Variants in ARHGEF17 observed in about 807,000 individuals in gnomAD.
The protein encoded by ARHGEF17 is Rho guanine nucleotide exchange factor 17.
In ARHGEF17, 80 loss-of-function variants were observed where a neutral mutation model predicts 174.0. That is an observed-to-expected ratio of 0.46 (90% CI 0.38 to 0.55). ARHGEF17 has a LOEUF of 0.55. Ranked by LOEUF, ARHGEF17 falls within the 20% of genes least tolerant of loss-of-function variation. The pLI is 0.00. For synonymous variants in ARHGEF17, 1,311 were observed against 1,189.1 expected (o/e 1.10, Z -2.11); for missense variants, 2,886 against 2,839.7 (o/e 1.02, Z -0.37).
Position 73,365,629 on chromosome 11 carries a change from G to A in ARHGEF17, c.5726-49G>A. 6.2e-7 allele frequency: 1 copy of A among 1,607,728 alleles called. No homozygotes were observed. Among genetic ancestry groups the A allele is most frequent in the South Asian group, 1.1e-5 (1 of 90,994 alleles). Reference sequence around the variant, plus strand: ...TTTCTGCCCGATCGTAGAGGCGGCTGAGCCAGGGCCAGAATTCAGCCCCAG... The same window carrying A: ...TTTCTGCCCGATCGTAGAGGCGGCTAAGCCAGGGCCAGAATTCAGCCCCAG... On this transcript the variant is annotated intron_variant, in intron 19 of 20. Coordinates refer to ENST00000263674, the MANE Select transcript of ARHGEF17 (RefSeq NM_014786.4). The surrounding 1 kb of genome is among the most constrained non-coding windows in gnomAD (Gnocchi z 4.9).
At position 73,309,652 on chromosome 11, in the gene ARHGEF17, A is replaced by G. The variant is rs757439187; in HGVS notation, c.1014A>G (p.Glu338=). The change falls in exon 1 of 21, where the codon GAA becomes GAG. Residue 338 remains glutamate (E), a synonymous_variant. Transcript: ENST00000263674. ...CAACATCTCCAAGAGCCCCTAGAGA[A>G]GAAGGACTCCGGGAGTGGGGTAGTG... is the stretch of plus-strand genomic sequence containing the variant. ...EPPTSPRAPR[E]EGLREWGSGS... The G allele has an allele frequency of 6.2e-7, 1 of 1,613,084 alleles. No homozygotes were observed. Among genetic ancestry groups the G allele is most frequent in the Non-Finnish European group, 8.5e-7 (1 of 1,180,008 alleles).
chr11:73,363,088 G>T, intron 14 of ARHGEF17, 118 bp from the exon 15 acceptor site: 1 of 1,367,636 alleles, frequency 7.3e-7, no homozygotes, highest in South Asian at 1.5e-5. Flanking sequence ...GGCCGGGGAA[G>T]AACAGCTTTG....
chr11:73,322,577 T>C (rs1030024903), intron 1 of ARHGEF17, among the ~76,000 whole-genome samples: 24 of 152,170 alleles, frequency 1.6e-4, no homozygotes, highest in African/African-American at 5.3e-4. Flanking sequence ...CCTGGCATTT[T>C]AGGGAACTTG....
At position 73,349,928 on chromosome 11, in the gene ARHGEF17, A is replaced by G. The variant is rs374334018; in HGVS notation, c.3271-2902A>G. Among the ~76,000 whole-genome samples the G allele has an allele frequency of 1.2e-4, 19 of 152,228 alleles. No individual in the cohort carries two copies. In the East Asian group the frequency reaches 2.1e-3, roughly 17 times the overall value. On this transcript the variant is annotated intron_variant, in intron 2 of 20. Transcript: ENST00000263674. Reference sequence around the variant, plus strand: ...TGAGGTCTGGCTCCAGGTCAGGAGTATGACTCTGGAGCCAAGCCACCAGCA... The same window carrying G: ...TGAGGTCTGGCTCCAGGTCAGGAGTGTGACTCTGGAGCCAAGCCACCAGCA...
rs755209278 is a variant in ARHGEF17, at chr11:73,357,135, G to A, written c.4001+1G>A. Reference sequence around the variant, plus strand: ...CCCTGCGGCGCAGCTCCATGAGCCTGTGAGTGGCTGGGCCGGGGTTTGGGT... The same window carrying A: ...CCCTGCGGCGCAGCTCCATGAGCCTATGAGTGGCTGGGCCGGGGTTTGGGT... On this transcript the variant is annotated splice_donor_variant, in intron 8 of 20. Transcript: ENST00000263674. LOFTEE classifies it high-confidence loss of function. The A allele has an allele frequency of 1.9e-6, 3 of 1,614,004 alleles. No individual in the cohort carries two copies. The African/African-American group carries it at 4.0e-5, about 22-fold the overall frequency.
At chr11:73,329,390 G>GT (rs1865166386) in intron 1 of ARHGEF17, among the ~76,000 whole-genome samples, 1 of 20,314 alleles carries the variant, frequency 4.9e-5, no homozygotes, top group Non-Finnish European at 8.6e-5. Context: ...TTTTTTTTTT[G>GT]TATTTTGGGT....
chr11:73,363,935 T>A, intron 16 of ARHGEF17, 102 bp downstream of exon 16: 3 of 1,311,878 alleles, frequency 2.3e-6, no homozygotes, highest in Non-Finnish European at 3.2e-6. Flanking sequence ...CCCTCCTCTG[T>A]GTGGAGGCTG....
At chr11:73,312,832 G>A (rs1396125232) in intron 1 of ARHGEF17, among the ~76,000 whole-genome samples, 4 of 152,000 alleles carry the variant, frequency 2.6e-5, no homozygotes, top group Non-Finnish European at 4.4e-5. Flanking sequence ...CAGACCCCCA[G>A]CCCTGGGGGC....
intron 1 of ARHGEF17, among the ~76,000 whole-genome samples, chr11:73,346,255 G>A (rs1467740720): frequency 6.6e-6 from 1 of 152,206 alleles, no homozygotes; most frequent in Non-Finnish European, 1.5e-5. Context: ...AACAGTGCCT[G>A]GCGCATAGGA....
intron 1 of ARHGEF17, among the ~76,000 whole-genome samples, chr11:73,312,845 ACT>A (rs1372951081): frequency 2.0e-5 from 3 of 151,212 alleles, no homozygotes; most frequent in African/African-American, 7.3e-5. Flanking sequence ...CTGGGGGCTC[ACT>A]CTCCCTGAGA....
At position 73,367,760 on chromosome 11, in the gene ARHGEF17, C is replaced by T. The variant is rs1865866139; in HGVS notation, c.6172C>T (p.Leu2058Phe). 1 of 1,613,486 alleles carries T rather than the reference C, an allele frequency of 6.2e-7. No individual in the cohort carries two copies. The highest frequency in any genetic ancestry group is 2.2e-5 in the East Asian group (1 of 44,880). ...GGGTCGAGACGACAGCACAAACCAC[C>T]TCCTCCTGTGGAGGGTGTGACCCTG... ...TVGRDDSTNH[L>F]LLWRV The change falls in exon 21 of 21, where the codon CTC becomes TTC. Residue 2058 changes from leucine to phenylalanine, a missense_variant. By Grantham distance (22) the Leu-to-Phe change is conservative (BLOSUM62 0). Transcript: ENST00000263674.
chr11:73,329,649 C>T (rs1035074302), intron 1 of ARHGEF17, among the ~76,000 whole-genome samples: 5 of 152,036 alleles, frequency 3.3e-5, no homozygotes, highest in African/African-American at 9.7e-5. Flanking sequence ...ATCCGCCTGC[C>T]TCAGCCTCCC....
intron 1 of ARHGEF17, among the ~76,000 whole-genome samples, chr11:73,332,908 T>C (rs910594119): frequency 6.6e-6 from 1 of 152,076 alleles, no homozygotes; most frequent in African/African-American, 2.4e-5. Context: ...CAGGAGATCT[T>C]CTCCTCCTGG....
rs1865763660 is a variant in ARHGEF17 at position 73,362,545 on chromosome 11, G to A, written c.4807G>A (p.Gly1603Arg). The A allele has an allele frequency of 1.9e-6, 3 of 1,607,716 alleles. No individual in the cohort carries two copies. Among genetic ancestry groups the A allele is most frequent in the Non-Finnish European group, 2.5e-6 (3 of 1,179,106 alleles). ...GGAAGCCGCGACGCTCGCGGAGCCG[G>A]GGCCGCAGCCCTGCCTTCACATCTC... ...DEEAATLAEP[G>R]PQPCLHISIA... Residue 1603 changes from glycine (G) to arginine (R), a missense_variant, in exon 14 of 21, where the codon GGG becomes AGG. By Grantham distance (125) the Gly-to-Arg change is moderately radical. Around this residue, in one of 4 missense-constraint regions of ARHGEF17, gnomAD observed 476 missense variants for 473.1 expected, o/e 1.01. Transcript: ENST00000263674.
intron 3 of ARHGEF17, among the ~76,000 whole-genome samples, chr11:73,354,342 G>A (rs926566696): frequency 1.3e-5 from 2 of 152,210 alleles, no homozygotes; most frequent in Non-Finnish European, 2.9e-5. Flanking sequence ...GGGGTGGTTG[G>A]TGAGGGTTGT....
intron 1 of ARHGEF17, among the ~76,000 whole-genome samples, chr11:73,328,565 A>G (rs1279003420): frequency 6.6e-6 from 1 of 152,228 alleles, no homozygotes; most frequent in Non-Finnish European, 1.5e-5. Flanking sequence ...GGAATTGGAC[A>G]GTTCTACCCC....
intron 6 of ARHGEF17, 58 bp downstream of exon 6, chr11:73,356,409 C>T (rs888288446): frequency 1.3e-5 from 20 of 1,484,222 alleles, no homozygotes; most frequent in African/African-American, 2.8e-5. Flanking sequence ...TGTGTCCACT[C>T]GGCCTCTGTG....
chr11:73,316,209 T>C (rs775095006), intron 1 of ARHGEF17, among the ~76,000 whole-genome samples: 15 of 152,198 alleles, frequency 9.9e-5, no homozygotes, highest in Non-Finnish European at 1.8e-4. Flanking sequence ...GAAAGAAATA[T>C]GGCAGGTTGT....
rs1157376235 is a variant in ARHGEF17, at chr11:73,344,660, C to T, written c.3193-2223C>T. Among the ~76,000 whole-genome samples, 5 of 152,340 alleles carry T rather than the reference C, an allele frequency of 3.3e-5. No individual in the cohort carries two copies. The East Asian group carries it at 9.6e-4, about 29-fold the overall frequency. On this transcript the variant is annotated intron_variant, in intron 1 of 20. Transcript: ENST00000263674. Reference sequence around the variant, plus strand: ...ACACTGGTGACCTGCTGCGTGTGGACAGAGCTGCTCTGCTCGCTGCCGCCT... The same window carrying T: ...ACACTGGTGACCTGCTGCGTGTGGATAGAGCTGCTCTGCTCGCTGCCGCCT...
Sources: allele counts gnomAD v4.1 joint callset (sites outside exome capture counted in the v4.1 genomes callset), GRCh38; gene constraint gnomAD v4.1.1; regional missense constraint gnomAD v4.1.1; non-coding constraint Gnocchi (gnomAD v3.1); transcripts MANE v1.5; gene names NCBI Gene and HGNC (gene_info 2026-07-23, HGNC 2026-07-21).